RPS6KA1: variants seen among roughly 807,000 people sequenced by gnomAD.
The protein encoded by RPS6KA1 is ribosomal protein S6 kinase A1.
A neutral mutation model predicts 91.3 loss-of-function variants in RPS6KA1; 48 were observed. The observed-to-expected ratio is 0.53, with a 90% CI of 0.42 to 0.67. The LOEUF (loss-of-function observed/expected upper bound fraction) is 0.67. RPS6KA1 is among the 30% of genes least tolerant of loss of function. The pLI is 0.00. For missense variants in RPS6KA1, 719 were observed against 960.5 expected (o/e 0.75, Z 3.32); for synonymous variants, 359 against 384.7 (o/e 0.93, Z 0.78).
chr1:26,537,224 C>T (rs1367412121), intron 2 of RPS6KA1, among the ~76,000 whole-genome samples: 1 of 152,228 alleles, frequency 6.6e-6, no homozygotes, highest in Non-Finnish European at 1.5e-5. Context: ...TACCTGTCAC[C>T]CAGGCCAGGA....
chr1:26,552,249 A>G (rs1432803422), intron 6 of RPS6KA1, among the ~76,000 whole-genome samples: 2 of 151,770 alleles, frequency 1.3e-5, no homozygotes, highest in African/African-American at 2.4e-5. Flanking sequence ...TTAGCTGGGT[A>G]TGGTGGAGTG....
intron 1 of RPS6KA1, among the ~76,000 whole-genome samples, chr1:26,531,931 T>A (rs904183185): frequency 1.1e-4 from 16 of 152,154 alleles, no homozygotes; most frequent in African/African-American, 3.9e-4. Context: ...CTGTTCTCAC[T>A]GGAGAACAGG....
At chr1:26,562,427 G>T (rs1467852980) in intron 17 of RPS6KA1, among the ~76,000 whole-genome samples, 7 of 152,158 alleles carry the variant, frequency 4.6e-5, no homozygotes, top group Non-Finnish European at 8.8e-5. Context: ...GGGTCACCGT[G>T]GGGGAGCTGC....
Position 26,530,985 on chromosome 1 carries a change from C to G in RPS6KA1, c.63+1002C>G, listed in dbSNP as rs998421585. On this transcript the variant is annotated intron_variant, in intron 1 of 21. Coordinates refer to ENST00000374168, the MANE Select transcript of RPS6KA1 (RefSeq NM_002953.4). Reference sequence around the variant, plus strand: ...CATTTGAGCCCAGGAGCTGAGATGACTTTCTCCCAGCTTGGGCCTGGAGCC... The same window carrying G: ...CATTTGAGCCCAGGAGCTGAGATGAGTTTCTCCCAGCTTGGGCCTGGAGCC... The G allele has an allele frequency of 3.0e-6, 3 of 1,014,376 alleles. No homozygotes were observed. The African/African-American group carries it at 5.1e-5, about 17-fold the overall frequency. The allele number at this position is 1,014,376 out of a possible 1,614,324, so 62.8% of individuals were successfully genotyped here. A position where few individuals can be genotyped will look rare whatever the true frequency, so the allele number is the denominator to read the frequency against.
intron 17 of RPS6KA1, among the ~76,000 whole-genome samples, chr1:26,565,383 G>A (rs957405528): frequency 3.3e-5 from 5 of 151,310 alleles, no homozygotes; most frequent in Non-Finnish European, 5.9e-5. Flanking sequence ...AAATCACAAC[G>A]GACAAGTCAA....
chr1:26,556,600 A>G (rs371953625), intron 11 of RPS6KA1, 54 bp from the exon 12 acceptor site: 58 of 1,580,066 alleles, frequency 3.7e-5, no homozygotes, highest in Non-Finnish European at 4.7e-5. Flanking sequence ...TGGGCAGGGT[A>G]ATATCTGGGA....
chr1:26,568,922 G>A lies in RPS6KA1; in HGVS notation c.1591-2527G>A, dbSNP rs1212385166. Among the ~76,000 whole-genome samples, 12 of 152,226 alleles carry A rather than the reference G, an allele frequency of 7.9e-5. 1 individual carries two copies. In the South Asian group the frequency reaches 2.3e-3, roughly 29 times the overall value. On this transcript the variant is annotated intron_variant, in intron 17 of 21. Coordinates refer to ENST00000374168, the MANE Select transcript of RPS6KA1 (RefSeq NM_002953.4). Reference sequence around the variant, plus strand: ...AGTGAGTTGTCCTCTCAGGCTGGGCGTAGTGGCTCACACCTGTAATCCCAG... The same window carrying A: ...AGTGAGTTGTCCTCTCAGGCTGGGCATAGTGGCTCACACCTGTAATCCCAG...
At chr1:26,569,386 C>T (rs1557515837) in intron 17 of RPS6KA1, among the ~76,000 whole-genome samples, 3 of 152,174 alleles carry the variant, frequency 2.0e-5, no homozygotes, top group African/African-American at 7.2e-5. Context: ...GTCCACATTC[C>T]TGGGGGCCTG....
chr1:26,565,091 G>A (rs1466680782), intron 17 of RPS6KA1, among the ~76,000 whole-genome samples: 6 of 152,166 alleles, frequency 3.9e-5, no homozygotes, highest in East Asian at 1.9e-4. Flanking sequence ...GGAGGAAGTC[G>A]TCTCCTTCCT....
At chr1:26,552,386 CAAAAAAA>C (rs1197852280) in intron 6 of RPS6KA1, among the ~76,000 whole-genome samples, 1 of 54,910 alleles carries the variant, frequency 1.8e-5, no homozygotes, top group Non-Finnish European at 3.0e-5. Flanking sequence ...GACTCTGTCT[CAAAAAAA>C]AAAAAAAAAA....
chr1:26,546,034 C>T lies in RPS6KA1; in HGVS notation c.109-833C>T, dbSNP rs982681357. ...CCTGGCTCTGGCCCCCAGCGGGACTCGGTGAGTGTGCCCGAATGTCTGGTC... is the reference window on the plus strand; with the variant it reads ...CCTGGCTCTGGCCCCCAGCGGGACTTGGTGAGTGTGCCCGAATGTCTGGTC... On this transcript the variant is annotated intron_variant, in intron 2 of 21. Transcript: ENST00000374168. The T allele has an allele frequency of 1.1e-5, 18 of 1,611,134 alleles. No individual in the cohort carries two copies. The highest frequency in any genetic ancestry group is 1.7e-4 in the Middle Eastern group (1 of 6,020).
chr1:26,569,076 A>G (rs749105764), intron 17 of RPS6KA1, among the ~76,000 whole-genome samples: 2 of 152,098 alleles, frequency 1.3e-5, no homozygotes, highest in Non-Finnish European at 2.9e-5. Context: ...CTGTAATTCC[A>G]GCTAACTGGG....
chr1:26,556,485 T>C (rs540587105), intron 11 of RPS6KA1, among the ~76,000 whole-genome samples, 169 bp from the exon 12 acceptor site: 1 of 152,160 alleles, frequency 6.6e-6, no homozygotes, highest in Non-Finnish European at 1.5e-5. Flanking sequence ...AAATGCTGAG[T>C]AGGTGACAGG....
At chr1:26,567,541 C>A (rs922551238) in intron 17 of RPS6KA1, among the ~76,000 whole-genome samples, 1 of 152,090 alleles carries the variant, frequency 6.6e-6, no homozygotes, top group African/African-American at 2.4e-5. Context: ...CCACCACGCC[C>A]GGCTAACTTT....
intron 1 of RPS6KA1, 71 bp downstream of exon 1, chr1:26,530,054 C>G: frequency 9.1e-7 from 1 of 1,100,850 alleles, no homozygotes; most frequent in Non-Finnish European, 1.2e-6. Context: ...CGGGGCGGCC[C>G]GAAGCGCCGC....
At chr1:26,562,390 G>GA (rs1485312710) in intron 17 of RPS6KA1, among the ~76,000 whole-genome samples, 3 of 152,192 alleles carry the variant, frequency 2.0e-5, no homozygotes, top group Admixed American at 2.0e-4. Context: ...TTTAGGTGGG[G>GA]AGTGGCTTTT....
intron 17 of RPS6KA1, among the ~76,000 whole-genome samples, chr1:26,562,599 A>C (rs1345618310): frequency 6.6e-6 from 1 of 152,182 alleles, no homozygotes; most frequent in Admixed American, 6.5e-5. Flanking sequence ...TGAGCACTAG[A>C]TGACGGTGAG....
intron 2 of RPS6KA1, 101 bp from the exon 3 acceptor site, chr1:26,546,766 G>T: frequency 1.2e-6 from 1 of 827,970 alleles, no homozygotes. Context: ...TGGGCCTTTA[G>T]GTTCCATCTG....
At chr1:26,534,354 G>A (rs77010086) in intron 1 of RPS6KA1, among the ~76,000 whole-genome samples, 6,632 of 152,200 alleles carry the variant, frequency 0.044, 474 homozygotes, top group African/African-American at 0.15. Flanking sequence ...GCCCCTTCCC[G>A]AGTTAACCTG....
Sources: gnomAD v4.1 joint callset for allele counts (sites outside exome capture counted in the v4.1 genomes callset) on GRCh38, gnomAD v4.1.1 for gene constraint, MANE v1.5 for transcripts, NCBI Gene and HGNC (gene_info 2026-07-23, HGNC 2026-07-21) for gene names.